PCDH9: variants seen among roughly 807,000 people sequenced by gnomAD.
PCDH9 encodes the protein protocadherin-9.
PCDH9 carries 24 observed loss-of-function variants against 70.6 expected under a neutral mutation model. The observed-to-expected ratio is 0.34, with a 90% CI of 0.25 to 0.48. PCDH9 has a LOEUF of 0.48. PCDH9 is among the 20% of genes least tolerant of loss of function. PCDH9 has a pLI of 0.99. For missense variants in PCDH9, 1,281 were observed against 1,503.6 expected (o/e 0.85, Z 2.45); for synonymous variants, 562 against 558.5 (o/e 1.01, Z -0.09).
chr13:66,919,015 C>T (rs1337741195), intron 2 of PCDH9, among the ~76,000 whole-genome samples: 1 of 151,268 alleles, frequency 6.6e-6, no homozygotes, highest in Non-Finnish European at 1.5e-5. Flanking sequence ...ATGCTAATCT[C>T]TCCCCTCCTG....
chr13:67,195,255 C>T (rs533805700), intron 2 of PCDH9, among the ~76,000 whole-genome samples: 1 of 152,088 alleles, frequency 6.6e-6, no homozygotes, highest in East Asian at 1.9e-4. Context: ...ATGCCATTCT[C>T]CTGCCTCAGC....
At position 67,227,182 on chromosome 13, in the gene PCDH9, A is replaced by T; in HGVS notation, c.1259T>A (p.Leu420Ter). The change falls in exon 2 of 5, where the codon TTG (leucine) becomes TAG (stop). Residue 420 changes from leucine to a stop codon, truncating the protein, a stop_gained. Transcript: ENST00000377865. LOFTEE classifies it high-confidence loss of function. This position sits in a 1 kb window ranked among gnomAD's most constrained non-coding sequence, Gnocchi z 4.6. ...GTCCAACAAAGAAGAGGTCTCTAAC[A>T]AATATTGGTTGTCATATACCGCCTT... ...HLKAVYDNQY[L>*]LETSSLLDYE... is the part of the protein sequence containing the mutation. The T allele has an allele frequency of 6.2e-7, 1 of 1,613,468 alleles. No individual in the cohort carries two copies. Among genetic ancestry groups the T allele is most frequent in the Non-Finnish European group, 8.5e-7 (1 of 1,179,372 alleles).
chr13:67,216,429 A>C (rs1320354000), intron 2 of PCDH9: 1 of 151,844 alleles, frequency 6.6e-6, no homozygotes, highest in Non-Finnish European at 1.5e-5. Flanking sequence ...TTTTGTATAA[A>C]TTCTACCATC....
chr13:67,097,964 T>C (rs2086357197), intron 2 of PCDH9, among the ~76,000 whole-genome samples: 1 of 152,198 alleles, frequency 6.6e-6, no homozygotes, highest in African/African-American at 2.4e-5. Flanking sequence ...AAATTAATAT[T>C]GCAGAACTAA....
chr13:66,526,376 G>T (rs1960216756), intron 4 of PCDH9, among the ~76,000 whole-genome samples: 1 of 152,078 alleles, frequency 6.6e-6, no homozygotes, highest in Non-Finnish European at 1.5e-5. Flanking sequence ...GAACCATTTT[G>T]TCAGAATGAA....
At chr13:66,339,349 C>T (rs1467455549) in intron 4 of PCDH9, among the ~76,000 whole-genome samples, 1 of 152,056 alleles carries the variant, frequency 6.6e-6, no homozygotes, top group African/African-American at 2.4e-5. Context: ...TTTCTCTTCT[C>T]AGCATAATTT....
At chr13:66,462,786 C>T (rs535979363) in intron 4 of PCDH9, among the ~76,000 whole-genome samples, 2 of 151,624 alleles carry the variant, frequency 1.3e-5, no homozygotes, top group East Asian at 3.9e-4. Context: ...CAGGTCAGTC[C>T]CCAAAGCGTG....
chr13:67,198,811 A>T (rs890837433), intron 2 of PCDH9, among the ~76,000 whole-genome samples: 1 of 151,906 alleles, frequency 6.6e-6, no homozygotes, highest in Non-Finnish European at 1.5e-5. Context: ...AAATGTTGGT[A>T]GTTGTGCTTT....
intron 4 of PCDH9, among the ~76,000 whole-genome samples, chr13:66,385,151 G>A (rs943374217): frequency 2.0e-5 from 3 of 151,916 alleles, no homozygotes; most frequent in African/African-American, 7.3e-5. Flanking sequence ...CTAGCATAAT[G>A]TCCTCCAGGT....
At chr13:67,071,676 G>A (rs2085765940) in intron 2 of PCDH9, among the ~76,000 whole-genome samples, 1 of 151,894 alleles carries the variant, frequency 6.6e-6, no homozygotes, top group Non-Finnish European at 1.5e-5. Context: ...GATCACCTGA[G>A]GTCAGGAGTT....
At chr13:66,913,945 G>T (rs2082514734) in intron 2 of PCDH9, among the ~76,000 whole-genome samples, 1 of 151,820 alleles carries the variant, frequency 6.6e-6, no homozygotes, top group South Asian at 2.1e-4. Flanking sequence ...CCTGATGTTT[G>T]TTGACTCTAC....
intron 4 of PCDH9, among the ~76,000 whole-genome samples, chr13:66,462,003 A>G (rs1958433090): frequency 6.6e-6 from 1 of 151,780 alleles, no homozygotes; most frequent in African/African-American, 2.4e-5. Flanking sequence ...GCAGCAGTGC[A>G]ACAAGCTGGA....
rs547386163 is a variant in PCDH9, at chr13:66,481,547, A to T, written c.3340+149663T>A. On this transcript the variant is annotated intron_variant, in intron 4 of 4. Coordinates refer to ENST00000377865, the MANE Select transcript of PCDH9 (RefSeq NM_203487.3). ...ACAGTGTAGTGTAAACATAACTTTTATAAAATATGCACTGGGAAGCCAAAA... is the reference window on the plus strand; with the variant it reads ...ACAGTGTAGTGTAAACATAACTTTTTTAAAATATGCACTGGGAAGCCAAAA... 2.6e-5 allele frequency among the ~76,000 whole-genome samples: 4 copies of T among 152,320 alleles called. No individual in the cohort carries two copies. In the East Asian group the frequency reaches 7.7e-4, roughly 29 times the overall value.
chr13:66,548,047 G>T (rs944959013), intron 4 of PCDH9, among the ~76,000 whole-genome samples: 1 of 150,860 alleles, frequency 6.6e-6, no homozygotes, highest in African/African-American at 2.4e-5. Flanking sequence ...GTGTTTTCGT[G>T]CCCATCTTTT....
intron 3 of PCDH9, among the ~76,000 whole-genome samples, chr13:66,691,648 A>T (rs1348430493): frequency 6.6e-6 from 1 of 152,198 alleles, no homozygotes; most frequent in African/African-American, 2.4e-5. Context: ...CTCAGAAGAA[A>T]AATAAACTTA....
At chr13:66,463,008 A>G (rs1958452303) in intron 4 of PCDH9, among the ~76,000 whole-genome samples, 1 of 151,874 alleles carries the variant, frequency 6.6e-6, no homozygotes, top group South Asian at 2.1e-4. Context: ...ATAAAATGCC[A>G]TATGCATTGC....
At chr13:66,927,599 A>G (rs2082737016) in intron 2 of PCDH9, among the ~76,000 whole-genome samples, 1 of 152,252 alleles carries the variant, frequency 6.6e-6, no homozygotes, top group South Asian at 2.1e-4. Flanking sequence ...ACTGGAGCCT[A>G]GAAATCTGAG....
At chr13:66,677,429 G>A in intron 3 of PCDH9, among the ~76,000 whole-genome samples, 1 of 151,986 alleles carries the variant, frequency 6.6e-6, no homozygotes, top group East Asian at 1.9e-4. Flanking sequence ...ACAGGCAGCT[G>A]GTATAGTTTG....
chr13:66,699,500 G>A (rs952745452), intron 3 of PCDH9, among the ~76,000 whole-genome samples: 7 of 152,078 alleles, frequency 4.6e-5, no homozygotes. Flanking sequence ...ACAAGTGTCC[G>A]TATAAGACAC....
Sources: gnomAD v4.1 joint callset for allele counts (sites outside exome capture counted in the v4.1 genomes callset) on GRCh38, gnomAD v4.1.1 for gene constraint, Gnocchi (gnomAD v3.1) non-coding constraint, MANE v1.5 for transcripts, NCBI Gene and HGNC (gene_info 2026-07-23, HGNC 2026-07-21) for gene names.